Variants in RBFOX1 observed in about 807,000 individuals in gnomAD.
RBFOX1 encodes RNA binding fox-1 homolog 1.
Under a neutral mutation model 57.7 loss-of-function variants are expected in RBFOX1, and 8 were observed. The ratio of observed to expected loss-of-function variants is 0.14; its 90% CI spans 0.08 to 0.25. RBFOX1 has a LOEUF of 0.25. RBFOX1 is among the 10% of genes least tolerant of loss of function. The pLI is 1.00. For synonymous variants in RBFOX1, 326 were observed against 222.4 expected (o/e 1.47, Z -4.15); for missense variants, 611 against 548.5 (o/e 1.11, Z -1.14).
chr16:7,579,402 G>GC (rs1167911115), intron 5 of RBFOX1, among the ~76,000 whole-genome samples: 1 of 151,766 alleles, frequency 6.6e-6, no homozygotes, highest in Non-Finnish European at 1.5e-5. Context: ...TGAGGTTCTC[G>GC]CTCCCCACCT....
At chr16:7,571,050 G>C (rs1202941419) in intron 5 of RBFOX1, among the ~76,000 whole-genome samples, 1 of 152,164 alleles carries the variant, frequency 6.6e-6, no homozygotes, top group African/African-American at 2.4e-5. Flanking sequence ...CATGGACACA[G>C]GGAGGGGAAC....
intron 4 of RBFOX1, among the ~76,000 whole-genome samples, chr16:7,300,704 C>G (rs1393302845): frequency 6.6e-6 from 1 of 152,098 alleles, no homozygotes; most frequent in Non-Finnish European, 1.5e-5. Flanking sequence ...AAAATGGTTT[C>G]CATTCTTCTT....
chr16:5,945,237 T>G (rs1238645601), intron 4 of RBFOX1, among the ~76,000 whole-genome samples: 1 of 152,156 alleles, frequency 6.6e-6, no homozygotes, highest in Admixed American at 6.5e-5. Context: ...GCCTGGCCCT[T>G]CGTGGGTCTT....
At chr16:6,193,595 G>T (rs2097161336) in intron 1 of RBFOX1, among the ~76,000 whole-genome samples, 1 of 151,164 alleles carries the variant, frequency 6.6e-6, no homozygotes, top group African/African-American at 2.4e-5. Context: ...AAAAAATAAA[G>T]AATAAACACA....
At chr16:7,332,538 C>T (rs1175282088) in intron 4 of RBFOX1, among the ~76,000 whole-genome samples, 1 of 152,102 alleles carries the variant, frequency 6.6e-6, no homozygotes, top group Non-Finnish European at 1.5e-5. Context: ...CATTAATTTA[C>T]ATTTCTCAGT....
At chr16:7,007,424 C>T (rs948424133) in intron 3 of RBFOX1, among the ~76,000 whole-genome samples, 1 of 152,118 alleles carries the variant, frequency 6.6e-6, no homozygotes, top group Non-Finnish European at 1.5e-5. Context: ...CCCCAATAAT[C>T]CAGAGTCATC....
At chr16:5,875,638 T>C (rs552330459) in intron 4 of RBFOX1, among the ~76,000 whole-genome samples, 1 of 152,104 alleles carries the variant, frequency 6.6e-6, no homozygotes, top group Non-Finnish European at 1.5e-5. Flanking sequence ...CAATAGGAAA[T>C]AGCAGAAGTA....
intron 3 of RBFOX1, among the ~76,000 whole-genome samples, chr16:7,002,876 G>C (rs996508800): frequency 6.6e-6 from 1 of 152,136 alleles, no homozygotes; most frequent in African/African-American, 2.4e-5. Context: ...TACACTCAGC[G>C]TGTTAAGATA....
intron 2 of RBFOX1, among the ~76,000 whole-genome samples, chr16:6,362,639 T>C (rs987044154): frequency 9.9e-5 from 15 of 152,234 alleles, no homozygotes; most frequent in African/African-American, 3.4e-4. Context: ...CTTCATAGAC[T>C]GATACTAGAA....
chr16:7,004,230 T>C (rs902638878), intron 3 of RBFOX1: 2 of 152,158 alleles, frequency 1.3e-5, no homozygotes, highest in Admixed American at 1.3e-4. Context: ...ATCTTTTGAA[T>C]CTTATGCATA....
chr16:5,373,824 G>A (rs1447765188), intron 1 of RBFOX1, among the ~76,000 whole-genome samples: 3 of 152,216 alleles, frequency 2.0e-5, no homozygotes, highest in African/African-American at 4.8e-5. Context: ...GGCTGGTCTC[G>A]AACTCCTGAC....
chr16:5,644,179 C>T (rs950024068), intron 3 of RBFOX1, among the ~76,000 whole-genome samples: 8 of 152,102 alleles, frequency 5.3e-5, no homozygotes, highest in African/African-American at 1.4e-4. Flanking sequence ...ATAATTTTAG[C>T]CCCTTGTAGA....
intron 4 of RBFOX1, chr16:7,304,586 A>G: frequency 1.0e-6 from 1 of 985,254 alleles, no homozygotes; most frequent in Non-Finnish European, 1.2e-6. Flanking sequence ...GTAGGTTCTG[A>G]GGAGGGGGCT....
intron 3 of RBFOX1, among the ~76,000 whole-genome samples, chr16:5,648,100 T>G (rs988696342): frequency 6.6e-6 from 1 of 152,210 alleles, no homozygotes; most frequent in South Asian, 2.1e-4. Context: ...CTTCAAGTGA[T>G]CAGCCTGCCT....
intron 3 of RBFOX1, among the ~76,000 whole-genome samples, chr16:7,002,272 G>A (rs1177726553): frequency 6.6e-6 from 1 of 152,148 alleles, no homozygotes; most frequent in Non-Finnish European, 1.5e-5. Context: ...TATCTACTTT[G>A]GAACTTTGCA....
chr16:5,596,577 A>G (rs768085458), intron 2 of RBFOX1, among the ~76,000 whole-genome samples: 3 of 152,148 alleles, frequency 2.0e-5, no homozygotes, highest in Admixed American at 6.5e-5. Context: ...GCCCGTCTCA[A>G]AGAAAGGACC....
chr16:5,481,166 A>G (rs1454866504), intron 2 of RBFOX1, among the ~76,000 whole-genome samples: 2 of 152,310 alleles, frequency 1.3e-5, no homozygotes, highest in South Asian at 2.1e-4. Flanking sequence ...GGCACTTTTC[A>G]TACCTCAAAA....
chr16:7,377,900 T>C (rs917489923), intron 4 of RBFOX1, among the ~76,000 whole-genome samples: 1 of 152,174 alleles, frequency 6.6e-6, no homozygotes, highest in African/African-American at 2.4e-5. Context: ...TCCCATAGTT[T>C]GGAGACTCAG....
At chr16:7,445,853 T>G (rs989535411) in intron 4 of RBFOX1, among the ~76,000 whole-genome samples, 3 of 152,174 alleles carry the variant, frequency 2.0e-5, no homozygotes, top group African/African-American at 7.2e-5. Context: ...CTCATTGAAG[T>G]GGGTTAATAA....
Sources: gnomAD v4.1 joint callset for allele counts (sites outside exome capture counted in the v4.1 genomes callset) on GRCh38, gnomAD v4.1.1 for gene constraint, MANE v1.5 for transcripts, NCBI Gene and HGNC (gene_info 2026-07-23, HGNC 2026-07-21) for gene names.